Variants in LRRIQ1 observed in about 807,000 individuals in gnomAD.
The protein encoded by LRRIQ1 is leucine-rich repeat- and IQ domain-containing protein 1.
In LRRIQ1, 210 loss-of-function variants were observed where a neutral mutation model predicts 211.9. That is an observed-to-expected ratio of 0.99 (90% confidence interval 0.89 to 1.11). The LOEUF (loss-of-function observed/expected upper bound fraction) is 1.11. LRRIQ1 is among the 50% of genes most tolerant of loss of function. The probability of loss-of-function intolerance (pLI) is 0.00; values close to 1 mark genes in which losing one functional copy is unlikely to be tolerated. For missense variants in LRRIQ1, 2,136 were observed against 1,939.5 expected, an observed-to-expected ratio of 1.10 and a Z score of -1.90; for synonymous variants, 699 against 650.1, an observed-to-expected ratio of 1.08 and a Z score of -1.14.
chr12:85,108,710 T>G lies in LRRIQ1; in HGVS notation c.3377+2095T>G, dbSNP rs186875365. ...TCAGAACATTCACTTTTGAGATGGT[T>G]TCACATTATTTATTGTACATTTGAC... On this transcript the variant is annotated intron_variant, in intron 15 of 26. Transcript: ENST00000393217. Among the ~76,000 whole-genome samples the G allele has an allele frequency of 2.6e-3, 400 of 152,240 alleles. 4 individuals carry two copies. Among genetic ancestry groups the G allele is most frequent in the African/African-American group, 9.4e-3 (392 of 41,556 alleles).
At chr12:85,147,296 T>C (rs887686125) in intron 19 of LRRIQ1, among the ~76,000 whole-genome samples, 3 of 151,810 alleles carry the variant, frequency 2.0e-5, no homozygotes, top group Admixed American at 1.3e-4. Context: ...TCCTTCACTA[T>C]AAGACAAATG....
At chr12:85,218,577 T>C (rs566872666) in intron 24 of LRRIQ1, among the ~76,000 whole-genome samples, 1 of 152,046 alleles carries the variant, frequency 6.6e-6, no homozygotes, top group Non-Finnish European at 1.5e-5. Flanking sequence ...CTATGTACAG[T>C]TTCGTTGCTA....
intron 19 of LRRIQ1, among the ~76,000 whole-genome samples, chr12:85,150,859 G>A (rs1403034010): frequency 6.6e-6 from 1 of 151,458 alleles, no homozygotes; most frequent in South Asian, 2.1e-4. Flanking sequence ...AATTGTATAT[G>A]TTTATTGTGT....
intron 26 of LRRIQ1, among the ~76,000 whole-genome samples, chr12:85,243,762 A>C (rs1895583938): frequency 6.6e-6 from 1 of 151,702 alleles, no homozygotes; most frequent in South Asian, 2.1e-4. Flanking sequence ...TCATATGTTT[A>C]AAAGTAGGAA....
At chr12:85,110,119 C>T (rs1887068309) in intron 15 of LRRIQ1, among the ~76,000 whole-genome samples, 1 of 152,022 alleles carries the variant, frequency 6.6e-6, no homozygotes, top group Admixed American at 6.6e-5. Context: ...TTTCCCATTA[C>T]CATGTTAACC....
At chr12:85,089,948 G>A (rs531652130) in intron 11 of LRRIQ1, among the ~76,000 whole-genome samples, 9 of 152,292 alleles carry the variant, frequency 5.9e-5, no homozygotes, top group East Asian at 3.9e-4. Flanking sequence ...GCATTACAGC[G>A]ATCTAAGAGG....
At chr12:85,235,879 G>A (rs1449133456) in intron 26 of LRRIQ1, among the ~76,000 whole-genome samples, 1 of 152,122 alleles carries the variant, frequency 6.6e-6, no homozygotes, top group African/African-American at 2.4e-5. Flanking sequence ...GAATATGTGG[G>A]TCAACTTTGA....
At position 85,251,777 on chromosome 12, in the gene LRRIQ1, C is replaced by CAA. The variant is rs11415458; in HGVS notation, c.121+6880_121+6881dup. Among the ~76,000 whole-genome samples the CAA allele has an allele frequency of 7.7e-3, 898 of 116,906 alleles. 13 individuals carry two copies. Among genetic ancestry groups the CAA allele is most frequent in the African/African-American group, 0.021 (750 of 36,536 alleles). 76.7% of individuals were successfully genotyped at this position (116,906 alleles called of 152,430 possible). A position where few individuals can be genotyped will look rare whatever the true frequency, so the allele number is the denominator to read the frequency against. ...TATTTTGGACTCACGAGAAGTGGCGCAAAAAAAAAAAAACAGATATAGAGG... is the reference window on the plus strand; with the variant it reads ...TATTTTGGACTCACGAGAAGTGGCGCAAAAAAAAAAAAAAACAGATATAGAGG... On this transcript the variant is annotated intron_variant, in intron 1 of 1. Transcript: ENST00000602731.
At chr12:85,064,865 T>C (rs556224629) in intron 8 of LRRIQ1, among the ~76,000 whole-genome samples, 35 of 152,014 alleles carry the variant, frequency 2.3e-4, no homozygotes, top group South Asian at 1.0e-3. Context: ...TTGCGTTCTC[T>C]GTGCTGTTTC....
At chr12:85,139,676 A>C (rs1889380360) in intron 19 of LRRIQ1, among the ~76,000 whole-genome samples, 1 of 151,432 alleles carries the variant, frequency 6.6e-6, no homozygotes, top group Admixed American at 6.6e-5. Flanking sequence ...ATTATCAATA[A>C]GACTATGAAG....
At chr12:85,130,917 T>C (rs1045825924) in intron 18 of LRRIQ1, among the ~76,000 whole-genome samples, 1 of 151,880 alleles carries the variant, frequency 6.6e-6, no homozygotes, top group Non-Finnish European at 1.5e-5. Flanking sequence ...GTCATTAGAA[T>C]GTGAATGATA....
chr12:85,072,993 G>C lies in LRRIQ1; in HGVS notation c.2782G>C (p.Ala928Pro), dbSNP rs748537175. 1.2e-6 allele frequency: 2 copies of C among 1,612,512 alleles called. No homozygotes were observed. Among genetic ancestry groups the C allele is most frequent in the East Asian group, 4.5e-5 (2 of 44,782 alleles). Residue 928 changes from alanine to proline, a missense_variant, in exon 11 of 27, where the codon GCA becomes CCA. Ala to Pro is a conservative substitution (Grantham distance 27). Coordinates refer to ENST00000393217, the MANE Select transcript of LRRIQ1 (RefSeq NM_001079910.2). ...LGTSTSYLSLAQVWIPTGLCW... is the reference protein window; with the variant it reads ...LGTSTSYLSLPQVWIPTGLCW... Reference sequence around the variant, plus strand: ...CACCTCCACTTCTTACTTATCCCTGGCACAAGTCTGGATTCCAACTGGATT... The same window carrying C: ...CACCTCCACTTCTTACTTATCCCTGCCACAAGTCTGGATTCCAACTGGATT...
intron 18 of LRRIQ1, among the ~76,000 whole-genome samples, chr12:85,135,138 A>T (rs1210672349): frequency 6.6e-6 from 1 of 152,016 alleles, no homozygotes; most frequent in Non-Finnish European, 1.5e-5. Context: ...TTTATTATAC[A>T]GCAACTCCCT....
intron 24 of LRRIQ1, among the ~76,000 whole-genome samples, chr12:85,217,504 ATATATGTG>A (rs1894168657): frequency 1.8e-4 from 12 of 67,056 alleles, no homozygotes; most frequent in Admixed American, 4.8e-4. Flanking sequence ...ATATATATAT[ATATATGTG>A]TGTGTGTGTG....
chr12:85,185,718 ATCTG>A (rs1232979871), intron 24 of LRRIQ1, among the ~76,000 whole-genome samples: 11 of 152,110 alleles, frequency 7.2e-5, no homozygotes, highest in Non-Finnish European at 8.8e-5. Flanking sequence ...ATTGTGCATT[ATCTG>A]TCTCATATAA....
At chr12:85,153,210 A>AAGT (rs1890345200) in intron 21 of LRRIQ1, 65 bp downstream of exon 21, 1 of 1,365,548 alleles carries the variant, frequency 7.3e-7, no homozygotes, top group African/African-American at 1.5e-5. Context: ...TATCATACAA[A>AAGT]AGTAGTACAA....
At chr12:85,259,289 C>G (rs1252674355) in intron 1 of LRRIQ1, among the ~76,000 whole-genome samples, 1 of 151,970 alleles carries the variant, frequency 6.6e-6, no homozygotes, top group East Asian at 1.9e-4. Flanking sequence ...GCTCCAATAT[C>G]AATATTTTGA....
At position 85,124,131 on chromosome 12, in the gene LRRIQ1, C is replaced by G. The variant is rs770626027; in HGVS notation, c.3619C>G (p.Leu1207Val). 2.2e-5 allele frequency: 36 copies of G among 1,613,778 alleles called. No homozygotes were observed. Among genetic ancestry groups the G allele is most frequent in the Non-Finnish European group, 3.0e-5 (35 of 1,179,892 alleles). The change falls in exon 17 of 27, where the codon CTT (leucine) becomes GTT (valine). Residue 1207 changes from leucine to valine, a missense_variant. Coordinates refer to ENST00000393217, the MANE Select transcript of LRRIQ1 (RefSeq NM_001079910.2). ...LCHYFKKLMI[L>V]STEYRHAHER... ...TCATTATTTTAAGAAATTGATGATA[C>G]TTAGTACTGAATACCGACATGCACA...
intron 15 of LRRIQ1, among the ~76,000 whole-genome samples, chr12:85,113,907 T>TTGTGTGCGTG (rs1555210001): frequency 2.1e-5 from 3 of 140,866 alleles, no homozygotes; most frequent in African/African-American, 8.2e-5. Context: ...CAAATGAGTT[T>TTGTGTGCGTG]TGTGTGTGTG....
Sources: gnomAD v4.1 joint callset for allele counts (sites outside exome capture counted in the v4.1 genomes callset) on GRCh38, gnomAD v4.1.1 for gene constraint, MANE v1.5 for transcripts, NCBI Gene and HGNC (gene_info 2026-07-23, HGNC 2026-07-21) for gene names.